TIAM1: variants seen among roughly 807,000 people sequenced by gnomAD.
TIAM1 encodes TIAM Rac1 associated GEF 1.
In TIAM1, 65 loss-of-function variants were observed where a neutral mutation model predicts 163.5. The ratio of observed to expected loss-of-function variants is 0.40; its 90% confidence interval spans 0.33 to 0.49. The LOEUF (loss-of-function observed/expected upper bound fraction) is 0.49. Ranked by LOEUF, TIAM1 falls within the 20% of genes least tolerant of loss-of-function variation. The pLI is 0.77. For synonymous variants in TIAM1, 833 were observed against 810.1 expected, an observed-to-expected ratio of 1.03 and a Z score of -0.48; for missense variants, 1,789 against 2,044.7, an observed-to-expected ratio of 0.87 and a Z score of 2.41.
chr21:31,332,743 C>T (rs972093789), intron 2 of TIAM1, among the ~76,000 whole-genome samples: 2 of 151,510 alleles, frequency 1.3e-5, no homozygotes, highest in Admixed American at 6.6e-5. Context: ...AACACCCACA[C>T]TCACATTCAC....
intron 2 of TIAM1, among the ~76,000 whole-genome samples, chr21:31,352,262 T>C (rs1454611586): frequency 6.6e-6 from 1 of 152,146 alleles, no homozygotes; most frequent in Non-Finnish European, 1.5e-5. Context: ...AATATTGAAG[T>C]TCTGATCTGT....
intron 2 of TIAM1, among the ~76,000 whole-genome samples, chr21:31,450,397 G>C (rs1026360333): frequency 6.6e-6 from 1 of 152,160 alleles, no homozygotes; most frequent in African/African-American, 2.4e-5. Context: ...TCTATTGTTA[G>C]GAAGTGTCAC....
intron 3 of TIAM1, among the ~76,000 whole-genome samples, chr21:31,275,442 A>C (rs920892073): frequency 2.6e-5 from 4 of 152,146 alleles, no homozygotes; most frequent in African/African-American, 9.7e-5. Context: ...CCAAACTCTA[A>C]AACAGATGGC....
chr21:31,336,042 C>T (rs916118326), intron 2 of TIAM1, among the ~76,000 whole-genome samples: 1 of 152,208 alleles, frequency 6.6e-6, no homozygotes, highest in Non-Finnish European at 1.5e-5. Flanking sequence ...TCAATGTTTG[C>T]ATCTTCCTTT....
intron 2 of TIAM1, among the ~76,000 whole-genome samples, chr21:31,442,611 T>C (rs1370121917): frequency 6.6e-6 from 1 of 151,824 alleles, no homozygotes; most frequent in Non-Finnish European, 1.5e-5. Flanking sequence ...ACATCAAAGG[T>C]GGAAAATGAG....
chr21:31,346,478 G>A (rs1168744970), upstream of TIAM1, among the ~76,000 whole-genome samples: 8 of 152,112 alleles, frequency 5.3e-5, no homozygotes, highest in East Asian at 1.9e-4. Flanking sequence ...ACTGACTTAC[G>A]CTGAATCTGG....
chr21:31,470,958 G>A (rs1383666436), intron 1 of TIAM1, among the ~76,000 whole-genome samples: 2 of 152,180 alleles, frequency 1.3e-5, no homozygotes, highest in African/African-American at 4.8e-5. Context: ...GGGATGGTGC[G>A]TTCCTGCAAA....
At chr21:31,476,586 C>A (rs1253718230) in intron 1 of TIAM1, among the ~76,000 whole-genome samples, 1 of 152,202 alleles carries the variant, frequency 6.6e-6, no homozygotes, top group Non-Finnish European at 1.5e-5. Flanking sequence ...TTCATTTTCT[C>A]TTCTCATTTT....
At chr21:31,487,198 A>G (rs537059247) in intron 1 of TIAM1, among the ~76,000 whole-genome samples, 3 of 152,270 alleles carry the variant, frequency 2.0e-5, no homozygotes, top group African/African-American at 7.2e-5. Context: ...TGGTGTCTGA[A>G]AACAGCTGGA....
chr21:31,464,564 C>T (rs534012373), intron 1 of TIAM1, among the ~76,000 whole-genome samples: 9 of 152,056 alleles, frequency 5.9e-5, no homozygotes, highest in Non-Finnish European at 1.2e-4. Flanking sequence ...AAATACAGGC[C>T]GGGTGCGGTG....
intron 2 of TIAM1, among the ~76,000 whole-genome samples, chr21:31,384,519 G>A (rs1308775730): frequency 1.3e-5 from 2 of 152,114 alleles, no homozygotes; most frequent in Admixed American, 6.6e-5. Flanking sequence ...AGGCTGCAGT[G>A]AGCTATGATC....
intron 1 of TIAM1, among the ~76,000 whole-genome samples, chr21:31,512,648 C>T (rs1602459767): frequency 7.5e-6 from 1 of 132,876 alleles, no homozygotes; most frequent in African/African-American, 3.0e-5. Flanking sequence ...GACAGGGTCT[C>T]ACTCTGTCAC....
At chr21:31,558,306 G>A (rs1040365816) in intron 1 of TIAM1, among the ~76,000 whole-genome samples, 3 of 152,212 alleles carry the variant, frequency 2.0e-5, no homozygotes, top group Non-Finnish European at 2.9e-5. Flanking sequence ...GCACCCGCAG[G>A]ATTCCGCTTT....
intron 1 of TIAM1, among the ~76,000 whole-genome samples, chr21:31,558,080 G>A (rs1056133592): frequency 1.3e-5 from 2 of 152,176 alleles, no homozygotes; most frequent in Non-Finnish European, 2.9e-5. Context: ...GGCAGCCGCC[G>A]GGGCTGGGGG....
chr21:31,447,052 G>A (rs1232604052), intron 2 of TIAM1, among the ~76,000 whole-genome samples: 2 of 152,060 alleles, frequency 1.3e-5, no homozygotes, highest in Non-Finnish European at 2.9e-5. Flanking sequence ...TACGGCCATT[G>A]TGGGCCTTAA....
chr21:31,313,587 T>A (rs1366555200), intron 2 of TIAM1, among the ~76,000 whole-genome samples: 1 of 152,068 alleles, frequency 6.6e-6, no homozygotes, highest in African/African-American at 2.4e-5. Context: ...GCACACTTTA[T>A]TTTTTTTGAG....
In TIAM1 at chr21:31,135,919, T is replaced by C. The variant is rs750714675; in HGVS notation, c.3883+14A>G. 2 of 1,613,500 alleles carry C rather than the reference T, an allele frequency of 1.2e-6. No individual in the cohort carries two copies. The highest frequency in any genetic ancestry group is 1.7e-6 in the Non-Finnish European group (2 of 1,179,432). The stretch of plus-strand genomic sequence containing the variant: ...GACTTTTCCCCCTCCATAAAACGCT[T>C]TTCTGATACACACCGAATGCTGCCA... On this transcript the variant is annotated intron_variant, in intron 23 of 27. Transcript: ENST00000541036.
chr21:31,509,351 A>C (rs2047136056), intron 1 of TIAM1, among the ~76,000 whole-genome samples: 1 of 152,170 alleles, frequency 6.6e-6, no homozygotes. Flanking sequence ...ATCCCCCGGC[A>C]GAGGTGCAAA....
At chr21:31,394,728 TCA>T (rs71318270) in intron 2 of TIAM1, among the ~76,000 whole-genome samples, 9,688 of 94,730 alleles carry the variant, frequency 0.1, 373 homozygotes, top group Admixed American at 0.13. Context: ...TCTCTCTCTC[TCA>T]CACACACACA....
Sources: gnomAD v4.1 joint callset for allele counts (sites outside exome capture counted in the v4.1 genomes callset) on GRCh38, gnomAD v4.1.1 for gene constraint, MANE v1.5 for transcripts, NCBI Gene and HGNC (gene_info 2026-07-23, HGNC 2026-07-21) for gene names.